Variants in PCDH15 observed in about 807,000 individuals in gnomAD.
PCDH15 encodes protocadherin related 15.
PCDH15 carries 129 observed loss-of-function variants against 178.5 expected under a neutral mutation model. The observed-to-expected ratio is 0.72, with a 90% CI of 0.63 to 0.84. The LOEUF (loss-of-function observed/expected upper bound fraction) is 0.84. Among genes scored for constraint, PCDH15 ranks in the 40% least tolerant of loss-of-function variants. PCDH15 has a pLI of 0.00. For synonymous variants in PCDH15, 800 were observed against 732.0 expected, an observed-to-expected ratio of 1.09 and a Z score of -1.50; for missense variants, 2,230 against 2,099.9, an observed-to-expected ratio of 1.06 and a Z score of -1.21.
intron 2 of PCDH15, among the ~76,000 whole-genome samples, chr10:55,080,997 G>A (rs943443384): frequency 6.6e-6 from 1 of 152,128 alleles, no homozygotes; most frequent in Non-Finnish European, 1.5e-5. Context: ...GCTGGGGGTG[G>A]GGTCACTTTT....
At chr10:54,000,896 C>A (rs2092101093) in intron 20 of PCDH15, among the ~76,000 whole-genome samples, 1 of 152,078 alleles carries the variant, frequency 6.6e-6, no homozygotes, top group Non-Finnish European at 1.5e-5. Flanking sequence ...ATTTAATAAT[C>A]AAACTCCCAA....
At chr10:53,807,216 G>T in intron 37 of PCDH15, 86 bp from the exon 38 acceptor site, 1 of 1,122,348 alleles carries the variant, frequency 8.9e-7, no homozygotes, top group South Asian at 1.7e-5. Flanking sequence ...CCAAAACAAT[G>T]ACATTTAGAA....
chr10:55,174,420 G>A (rs577467175), intron 1 of PCDH15, among the ~76,000 whole-genome samples: 42 of 152,272 alleles, frequency 2.8e-4, no homozygotes, highest in African/African-American at 9.9e-4. Context: ...CAGCTTGGCC[G>A]AATTATAAAC....
chr10:54,981,244 T>C (rs934349131), intron 2 of PCDH15, among the ~76,000 whole-genome samples: 1 of 152,166 alleles, frequency 6.6e-6, no homozygotes, highest in Non-Finnish European at 1.5e-5. Context: ...TCCCCTTCTC[T>C]CGTCAATGTA....
chr10:55,280,816 T>C (rs1842715609), intron 1 of PCDH15, among the ~76,000 whole-genome samples: 2 of 152,186 alleles, frequency 1.3e-5, no homozygotes, highest in African/African-American at 4.8e-5. Flanking sequence ...ACCTCAATGT[T>C]CTGCTTCAAC....
chr10:53,808,516 A>C, intron 37 of PCDH15: 1 of 1,427,704 alleles, frequency 7.0e-7, no homozygotes, highest in Non-Finnish European at 9.1e-7. Context: ...ACAGTCTAAT[A>C]TACAAATGGA....
chr10:55,563,708 G>A (rs911909658), intron 2 of PCDH15, among the ~76,000 whole-genome samples: 1 of 149,604 alleles, frequency 6.7e-6, no homozygotes, highest in Non-Finnish European at 1.5e-5. Context: ...TTATAATGGT[G>A]TCCAAAAAAC....
chr10:54,554,581 A>G (rs886127574), intron 2 of PCDH15, among the ~76,000 whole-genome samples: 4 of 152,198 alleles, frequency 2.6e-5, no homozygotes, highest in Admixed American at 6.5e-5. Context: ...CTACCCCAAG[A>G]CTTTCCTGAA....
chr10:55,447,374 G>T (rs1306471271), intron 2 of PCDH15, among the ~76,000 whole-genome samples: 1 of 152,050 alleles, frequency 6.6e-6, no homozygotes, highest in East Asian at 1.9e-4. Flanking sequence ...TTGAATAAAG[G>T]CATGATAGAA....
At chr10:55,123,597 G>A (rs893382609) in intron 2 of PCDH15, among the ~76,000 whole-genome samples, 1 of 152,102 alleles carries the variant, frequency 6.6e-6, no homozygotes, top group Non-Finnish European at 1.5e-5. Context: ...TTATTTTGAA[G>A]AGTGGGATTC....
chr10:54,774,586 A>G (rs1408167589), intron 1 of PCDH15, among the ~76,000 whole-genome samples: 1 of 152,202 alleles, frequency 6.6e-6, no homozygotes, highest in Non-Finnish European at 1.5e-5. Context: ...CATATAAATT[A>G]ATATTAAATA....
At chr10:54,047,907 T>C (rs918088219) in intron 18 of PCDH15, among the ~76,000 whole-genome samples, 2 of 152,180 alleles carry the variant, frequency 1.3e-5, no homozygotes, top group Non-Finnish European at 2.9e-5. Context: ...GGTAGAATGA[T>C]GTATTTTCCT....
intron 3 of PCDH15, among the ~76,000 whole-genome samples, chr10:54,396,539 G>A (rs1951249883): frequency 6.6e-6 from 1 of 152,072 alleles, no homozygotes; most frequent in African/African-American, 2.4e-5. Context: ...CTGGCTGACA[G>A]AGCAAGTGTC....
At position 53,822,505 on chromosome 10, in the gene PCDH15, AG is replaced by A; in HGVS notation, c.4368-2276del. Reference sequence around the variant, plus strand: ...GGGGGAAGGGGACAGGCAGAAGGAGAGATGTTTGGTGGATGGGCAAAATTTT... The same window carrying A: ...GGGGGAAGGGGACAGGCAGAAGGAGAATGTTTGGTGGATGGGCAAAATTTT... On this transcript the variant is annotated intron_variant, in intron 32 of 37. Coordinates refer to ENST00000644397, the MANE Select transcript of PCDH15 (RefSeq NM_001384140.1). 6.2e-7 allele frequency: 1 copy of A among 1,612,178 alleles called. No individual in the cohort carries two copies. The highest frequency in any genetic ancestry group is 8.5e-7 in the Non-Finnish European group (1 of 1,179,348).
chr10:54,907,597 T>C (rs1214248095), intron 2 of PCDH15, among the ~76,000 whole-genome samples: 1 of 152,156 alleles, frequency 6.6e-6, no homozygotes, highest in Admixed American at 6.6e-5. Flanking sequence ...TTGTCATTGT[T>C]AAGGCCCCCT....
chr10:54,734,031 C>G (rs990245254), intron 1 of PCDH15, among the ~76,000 whole-genome samples: 6 of 150,760 alleles, frequency 4.0e-5, no homozygotes, highest in Admixed American at 1.3e-4. Flanking sequence ...GTTTAAGCAG[C>G]CATTTTATAG....
At chr10:55,552,289 A>G (rs1842017116) in intron 2 of PCDH15, among the ~76,000 whole-genome samples, 1 of 151,604 alleles carries the variant, frequency 6.6e-6, no homozygotes, top group Admixed American at 6.6e-5. Context: ...ATTGAGGATA[A>G]TGTTTTCATA....
chr10:53,865,219 C>T (rs1332976585), intron 27 of PCDH15, among the ~76,000 whole-genome samples: 1 of 152,026 alleles, frequency 6.6e-6, no homozygotes, highest in Non-Finnish European at 1.5e-5. Flanking sequence ...GGAGGTTTTG[C>T]TAAGTGAATA....
intron 2 of PCDH15, among the ~76,000 whole-genome samples, chr10:54,545,701 A>G (rs1345315985): frequency 6.6e-6 from 1 of 152,172 alleles, no homozygotes; most frequent in African/African-American, 2.4e-5. Flanking sequence ...AGAAGTATAT[A>G]TTGCTGCTAA....
Sources: gnomAD v4.1 joint callset for allele counts (sites outside exome capture counted in the v4.1 genomes callset) on GRCh38, gnomAD v4.1.1 for gene constraint, MANE v1.5 for transcripts, NCBI Gene and HGNC (gene_info 2026-07-23, HGNC 2026-07-21) for gene names.